SMCHD1: variants seen among roughly 807,000 people sequenced by gnomAD.
The protein encoded by SMCHD1 is structural maintenance of chromosomes flexible hinge domain-containing protein 1.
In SMCHD1, 78 loss-of-function variants were observed where a neutral mutation model predicts 254.7. The observed-to-expected ratio is 0.31, with a 90% confidence interval of 0.26 to 0.37. SMCHD1 has a LOEUF of 0.37. Among genes scored for constraint, SMCHD1 ranks in the 10% least tolerant of loss-of-function variants. SMCHD1 has a pLI of 1.00. For missense variants in SMCHD1, 1,840 were observed against 2,408.1 expected (o/e 0.76, Z 4.94); for synonymous variants, 766 against 794.9 (o/e 0.96, Z 0.61).
intron 5 of SMCHD1, among the ~76,000 whole-genome samples, chr18:2,679,008 C>T (rs1209472344): frequency 1.5e-4 from 23 of 151,144 alleles, no homozygotes; most frequent in South Asian, 2.1e-4. Flanking sequence ...CCACAATGCC[C>T]GGCTAATTTT....
In SMCHD1 at chr18:2,675,338, C is replaced by T. The variant is rs1335927115; in HGVS notation, c.638+1193C>T. ...GAAGTGCAGTTGTGCAATCTCGGCT[C>T]ACTGCAACCTCTGCCTCCCAGGTTC... is the stretch of plus-strand genomic sequence containing the variant. On this transcript the variant is annotated intron_variant, in intron 5 of 47. Coordinates refer to ENST00000320876, the MANE Select transcript of SMCHD1 (RefSeq NM_015295.3). Among the ~76,000 whole-genome samples the T allele has an allele frequency of 4.1e-5, 6 of 147,600 alleles. No individual in the cohort carries two copies. In the East Asian group the frequency reaches 1.2e-3, roughly 29 times the overall value.
chr18:2,699,129 C>T (rs1040329160), intron 10 of SMCHD1, among the ~76,000 whole-genome samples: 11 of 152,104 alleles, frequency 7.2e-5, no homozygotes, highest in African/African-American at 1.9e-4. Flanking sequence ...GATCCTGATT[C>T]GAATCCCATC....
At chr18:2,783,641 C>G (rs1019859483) in intron 44 of SMCHD1, among the ~76,000 whole-genome samples, 2 of 151,742 alleles carry the variant, frequency 1.3e-5, no homozygotes, top group African/African-American at 4.8e-5. Context: ...GGTGCGATCT[C>G]AGCTCACTGC....
chr18:2,753,810 G>T (rs1370565022), intron 34 of SMCHD1, among the ~76,000 whole-genome samples: 1 of 152,080 alleles, frequency 6.6e-6, no homozygotes, highest in South Asian at 2.1e-4. Context: ...GCCCACCTCA[G>T]CCTCCCAAAA....
In SMCHD1 at chr18:2,730,297, A is replaced by G. The variant is rs2075112332; in HGVS notation, c.3048+888A>G. 2.6e-5 allele frequency among the ~76,000 whole-genome samples: 4 copies of G among 152,170 alleles called. No homozygotes were observed. In the South Asian group the frequency reaches 6.2e-4, roughly 24 times the overall value. On this transcript the variant is annotated intron_variant, in intron 24 of 47. Transcript: ENST00000320876. ...GCCATTCCCCTGCCTCAGCCTCCCC[A>G]GTAGCTGGGACTACAGGCACCCGCC...
At chr18:2,729,947 C>T (rs1015389348) in intron 24 of SMCHD1, among the ~76,000 whole-genome samples, 3 of 152,152 alleles carry the variant, frequency 2.0e-5, no homozygotes, top group Non-Finnish European at 4.4e-5. Context: ...TTCCTGTCCA[C>T]AAGCAGTCTT....
intron 17 of SMCHD1, among the ~76,000 whole-genome samples, chr18:2,710,376 A>C (rs62084219): frequency 0.19 from 29,523 of 152,138 alleles, 3,113 homozygotes; most frequent in South Asian, 0.27. Context: ...ATTTGGGTCC[A>C]TGGAGATTCC....
intron 1 of SMCHD1, among the ~76,000 whole-genome samples, chr18:2,659,901 G>A (rs756160488): frequency 6.6e-6 from 1 of 152,056 alleles, no homozygotes; most frequent in Non-Finnish European, 1.5e-5. Context: ...TGTGCTTTCT[G>A]ACTAATCCAT....
intron 25 of SMCHD1, among the ~76,000 whole-genome samples, chr18:2,736,462 AACAG>A (rs1194931569): frequency 6.6e-6 from 1 of 152,234 alleles, no homozygotes; most frequent in Non-Finnish European, 1.5e-5. Flanking sequence ...CAACAGTGTA[AACAG>A]ACAGCCTACA....
chr18:2,700,515 G>A (rs760184191), intron 10 of SMCHD1, 24 bp from the exon 11 acceptor site: 7 of 1,582,960 alleles, frequency 4.4e-6, no homozygotes, highest in Non-Finnish European at 6.0e-6. Context: ...TAAACATTTT[G>A]TTCCATTTGC....
At chr18:2,758,077 C>A (rs929577620) in intron 34 of SMCHD1, among the ~76,000 whole-genome samples, 1 of 151,914 alleles carries the variant, frequency 6.6e-6, no homozygotes, top group African/African-American at 2.4e-5. Flanking sequence ...TAGATATATT[C>A]TTTTAAGTGT....
At chr18:2,777,991 GA>G (rs1471773259) in intron 43 of SMCHD1, 76 bp downstream of exon 43, 1 of 1,084,170 alleles carries the variant, frequency 9.2e-7, no homozygotes, top group African/African-American at 1.6e-5. Context: ...TACTGATAAT[GA>G]AAATTTATAT....
intron 2 of SMCHD1, 52 bp from the exon 3 acceptor site, chr18:2,666,818 A>G (rs1978590593): frequency 2.8e-6 from 4 of 1,421,960 alleles, no homozygotes; most frequent in African/African-American, 2.8e-5. Context: ...TTATAAGTTC[A>G]TTGAGTTTCT....
At chr18:2,660,547 C>T (rs901867239) in intron 1 of SMCHD1, among the ~76,000 whole-genome samples, 1 of 144,450 alleles carries the variant, frequency 6.9e-6, no homozygotes, top group Non-Finnish European at 1.5e-5. Context: ...AATCTTGGCT[C>T]ACTGCAACCT....
chr18:2,692,266 T>A (rs528709102), intron 7 of SMCHD1, among the ~76,000 whole-genome samples: 1 of 152,312 alleles, frequency 6.6e-6, no homozygotes, highest in African/African-American at 2.4e-5. Flanking sequence ...AGTCAAATAT[T>A]GGCTGGGCAC....
rs1356966402 is a variant in SMCHD1, at chr18:2,760,679, G to A, written c.4374G>A (p.Gly1458=). 6.3e-7 allele frequency: 1 copy of A among 1,588,206 alleles called. No individual in the cohort carries two copies. The highest frequency in any genetic ancestry group is 1.3e-5 in the African/African-American group (1 of 74,436). ...ATAAAGTAATTCCTAATAAAGTGGG[G>A]ACATATTGTATCCAGTTTGGTTTTA... ...FRDKVIPNKV[G]TYCIQFGFMM... is the part of the protein sequence containing the mutation. Residue 1458 remains glycine, a synonymous_variant, in exon 35 of 48, where the codon GGG becomes GGA. Coordinates refer to ENST00000320876, the MANE Select transcript of SMCHD1 (RefSeq NM_015295.3).
intron 44 of SMCHD1, among the ~76,000 whole-genome samples, chr18:2,782,953 C>G (rs2076181134): frequency 6.6e-6 from 1 of 152,056 alleles, no homozygotes; most frequent in Non-Finnish European, 1.5e-5. Flanking sequence ...TTTGTAAATA[C>G]TGGCTTTACC....
chr18:2,750,619 G>T, intron 32 of SMCHD1, 112 bp downstream of exon 32: 1 of 786,944 alleles, frequency 1.3e-6, no homozygotes. Flanking sequence ...AGGAGACAGG[G>T]AAGCAAATGA....
chr18:2,663,247 A>T (rs1013971299), intron 1 of SMCHD1, among the ~76,000 whole-genome samples: 1 of 150,436 alleles, frequency 6.6e-6, no homozygotes, highest in South Asian at 2.1e-4. Context: ...TTGTGACTAC[A>T]CGTGTGCACC....
Sources: allele counts gnomAD v4.1 joint callset (sites outside exome capture counted in the v4.1 genomes callset), GRCh38; gene constraint gnomAD v4.1.1; transcripts MANE v1.5; gene names NCBI Gene and HGNC (gene_info 2026-07-23, HGNC 2026-07-21).